The following RPL3 variants were observed in gnomAD, a reference collection of about 807,000 sequenced individuals.
The protein encoded by RPL3 is large ribosomal subunit protein uL3.
In RPL3, 3 loss-of-function variants were observed where a neutral mutation model predicts 46.0. That is an observed-to-expected ratio of 0.07 (90% CI 0.03 to 0.17). The LOEUF is 0.17. Ranked by LOEUF, RPL3 falls within the 10% of genes least tolerant of loss-of-function variation. RPL3 has a pLI of 1.00. For synonymous variants in RPL3, 224 were observed against 190.8 expected (o/e 1.17, Z -1.43); for missense variants, 387 against 532.7 (o/e 0.73, Z 2.69).
In RPL3 at chr22:39,313,240, T is replaced by G. The variant is rs1352679078; in HGVS notation, c.1118A>C (p.Lys373Thr). Residue 373 changes from lysine to threonine, a missense_variant, in exon 9 of 10, where the codon AAG becomes ACG. Transcript: ENST00000216146. Reference sequence around the variant, plus strand: ...GGTCTGGAAGCGGCCATGGCCAAACTTGGAGGTGGTGTCAATGAACTTAAG... The same window carrying G: ...GGTCTGGAAGCGGCCATGGCCAAACGTGGAGGTGGTGTCAATGAACTTAAG... ...IDLKFIDTTS[K>T]FGHGRFQTME... 1 of 1,611,242 alleles carries G rather than the reference T, an allele frequency of 6.2e-7. No individual in the cohort carries two copies. Among genetic ancestry groups the G allele is most frequent in the East Asian group, 2.2e-5 (1 of 44,846 alleles).
At position 39,312,944 on chromosome 22, in the gene RPL3, G is replaced by A. The variant is rs1298802338; in HGVS notation, c.1208C>T (p.Ala403Val). Residue 403 changes from alanine (A) to valine (V), a missense_variant, in exon 10 of 10, where the codon GCT becomes GTT. Ala to Val is a moderately conservative substitution (Grantham distance 64, BLOSUM62 0). Coordinates refer to ENST00000216146, the MANE Select transcript of RPL3 (RefSeq NM_000967.4). ...KKDRIAKEEG[A>V] ...CTGCAAAATCTGTTCCTGGCATTAA[G>A]CTCCTTCTTCCTTTGCAATTCGGTC... 6.2e-7 allele frequency: 1 copy of A among 1,614,052 alleles called. No individual in the cohort carries two copies. Among genetic ancestry groups the A allele is most frequent in the African/African-American group, 1.3e-5 (1 of 74,946 alleles).
At chr22:39,313,364 A>G in intron 8 of RPL3, 54 bp from the exon 9 acceptor site, 1 of 1,607,952 alleles carries the variant, frequency 6.2e-7, no homozygotes, top group South Asian at 1.1e-5. Context: ...GGCTTTCCTC[A>G]GCACTGTTCA....
chr22:39,315,273 C>T (rs764788732), intron 5 of RPL3, 96 bp downstream of exon 5: 7 of 1,486,888 alleles, frequency 4.7e-6, no homozygotes, highest in East Asian at 4.5e-5. Flanking sequence ...GGGCGCTGTA[C>T]CCAGCGCTCA....
In RPL3 at chr22:39,314,976, C is replaced by T. The variant is rs1011423937; in HGVS notation, c.689-130G>A. ...ATAAGATTATTTCATGTGCATTACC[C>T]ACAGGTCTCCCCTGTCAAGCTGGAT... is the stretch of plus-strand genomic sequence containing the variant. On this transcript the variant is annotated intron_variant, in intron 5 of 9. Transcript: ENST00000216146. 4 of 1,293,220 alleles carry T rather than the reference C, an allele frequency of 3.1e-6. No homozygotes were observed. In the Admixed American group the frequency reaches 6.4e-5, roughly 21 times the overall value. The allele number at this position is 1,293,220 out of a possible 1,614,324, so 80.1% of individuals were successfully genotyped here.
At chr22:39,317,414 C>CA in intron 3 of RPL3, 47 bp downstream of exon 3, 1 of 1,589,920 alleles carries the variant, frequency 6.3e-7, no homozygotes, top group South Asian at 1.1e-5. Context: ...CCCTGCTCTC[C>CA]AGCTCCCAAG....
intron 2 of RPL3, 149 bp downstream of exon 2, chr22:39,318,251 T>C: frequency 6.8e-6 from 5 of 735,584 alleles, no homozygotes; most frequent in Non-Finnish European, 1.1e-5. Flanking sequence ...AAGTTAAGCA[T>C]TCCCATTCTG....
In RPL3 at chr22:39,314,793, G is replaced by A. The variant is rs745619009; in HGVS notation, c.742C>T (p.Leu248=). The change falls in exon 6 of 10, where the codon CTG becomes TTG. Residue 248 remains leucine, a synonymous_variant. Transcript: ENST00000216146. ...KKLPRKTHRG[L]RKVACIGAWH... is the part of the protein sequence containing the mutation. ...GCCCCAATACAGGCCACCTTGCGCA[G>A]GCCTCGGTGGGTCTTGCGGGGCAGC... The A allele has an allele frequency of 6.8e-6, 11 of 1,613,818 alleles. No individual in the cohort carries two copies. The highest frequency in any genetic ancestry group is 9.3e-6 in the Non-Finnish European group (11 of 1,179,996).
Position 39,317,320 on chromosome 22 carries a change from T to C in RPL3, c.365+141A>G, listed in dbSNP as rs1922763913. ...ATGGCTGGCCAAGTCTGATCCCAGG[T>C]ATTTTTCTGTTCGAGAGGCAAACTA... On this transcript the variant is annotated intron_variant, in intron 3 of 9. Transcript: ENST00000216146. 5.4e-6 allele frequency: 5 copies of C among 930,040 alleles called. No homozygotes were observed. The South Asian group carries it at 8.7e-5, about 16-fold the overall frequency. 57.6% of individuals were successfully genotyped at this position (930,040 alleles called of 1,614,324 possible). A position where few individuals can be genotyped will look rare whatever the true frequency, so the allele number is the denominator to read the frequency against.
intron 1 of RPL3, 64 bp downstream of exon 1, chr22:39,319,531 T>G (rs1324647796): frequency 6.4e-7 from 1 of 1,552,516 alleles, no homozygotes; most frequent in South Asian, 1.2e-5. Flanking sequence ...ATGGCGGCGA[T>G]GCGTCGCGGA....
intron 2 of RPL3, 189 bp downstream of exon 2, chr22:39,318,211 A>C (rs738331): frequency 1.7e-6 from 1 of 605,124 alleles, no homozygotes. Context: ...AACAGTGCTG[A>C]CCATCTGTAG....
chr22:39,312,894 A>G lies in RPL3; in HGVS notation c.*46T>C, dbSNP rs73412311. ...GAAAGAGGCAAGATGTCAGTGGAAA[A>G]TAACTTTTATTGAGACCCCACCAAC... On this transcript the variant is annotated 3_prime_UTR_variant, in exon 10 of 10. Coordinates refer to ENST00000216146, the MANE Select transcript of RPL3 (RefSeq NM_000967.4). 1.1e-3 allele frequency: 1,699 copies of G among 1,611,338 alleles called. 17 individuals are homozygous for G. The African/African-American group carries it at 0.02, about 19-fold the overall frequency.
chr22:39,317,290 AC>A (rs1310241084), intron 3 of RPL3, 170 bp downstream of exon 3: 2 of 764,500 alleles, frequency 2.6e-6, no homozygotes, highest in African/African-American at 3.5e-5. Context: ...TCCGGCTGAA[AC>A]CAGATGGCTG....
chr22:39,314,860 A>C lies in RPL3; in HGVS notation c.689-14T>G. 2.5e-6 allele frequency: 4 copies of C among 1,607,928 alleles called. No individual in the cohort carries two copies. Among genetic ancestry groups the C allele is most frequent in the Non-Finnish European group, 3.4e-6 (4 of 1,175,390 alleles). Reference sequence around the variant, plus strand: ...GACTGGTGACCCCTGGAATGGATACACATTACTTCACCTCAGCGCCCAGCA... The same window carrying C: ...GACTGGTGACCCCTGGAATGGATACCCATTACTTCACCTCAGCGCCCAGCA... On this transcript the variant is annotated splice_polypyrimidine_tract_variant and intron_variant, in intron 5 of 9. Coordinates refer to ENST00000216146, the MANE Select transcript of RPL3 (RefSeq NM_000967.4).
At chr22:39,316,168 A>T (rs1244721641) in intron 4 of RPL3, among the ~76,000 whole-genome samples, 3 of 151,874 alleles carry the variant, frequency 2.0e-5, no homozygotes, top group Admixed American at 6.6e-5. Context: ...GAACCTAGAA[A>T]GTGGAGGTTG....
intron 3 of RPL3, 181 bp from the exon 4 acceptor site, chr22:39,317,022 C>T: frequency 2.3e-6 from 2 of 870,528 alleles, no homozygotes; most frequent in Non-Finnish European, 3.7e-6. Context: ...CCGAGCGGAG[C>T]TGAGCAGAGG....
intron 5 of RPL3, 55 bp downstream of exon 5, chr22:39,315,314 T>C: frequency 6.2e-7 from 1 of 1,610,766 alleles, no homozygotes; most frequent in Non-Finnish European, 8.5e-7. Flanking sequence ...CAGCTGGGCC[T>C]GAAACCACTT....
intron 9 of RPL3, 72 bp from the exon 10 acceptor site, chr22:39,313,056 C>CT (rs1459660585): frequency 6.0e-5 from 97 of 1,609,384 alleles, no homozygotes; most frequent in Non-Finnish European, 7.3e-5. Flanking sequence ...TAGAGGAGAC[C>CT]AAGACTCTGG....
chr22:39,318,839 T>C (rs1014847487), intron 1 of RPL3, among the ~76,000 whole-genome samples: 1 of 152,182 alleles, frequency 6.6e-6, no homozygotes, highest in Non-Finnish European at 1.5e-5. Flanking sequence ...CCCATTTTTT[T>C]TATCTAACCA....
chr22:39,314,292 T>C, intron 6 of RPL3, 84 bp from the exon 7 acceptor site: 4 of 1,206,916 alleles, frequency 3.3e-6, no homozygotes, highest in East Asian at 2.3e-5. Context: ...CAAAGCACGC[T>C]AGAAGGCAGC....
Sources: allele counts gnomAD v4.1 joint callset (sites outside exome capture counted in the v4.1 genomes callset), GRCh38; gene constraint gnomAD v4.1.1; transcripts MANE v1.5; gene names NCBI Gene and HGNC (gene_info 2026-07-23, HGNC 2026-07-21).